Variants in PCDHGB3 observed in about 807,000 individuals in gnomAD.
The protein encoded by PCDHGB3 is protocadherin gamma-B3.
Under a neutral mutation model 59.2 loss-of-function variants are expected in PCDHGB3, and 40 were observed. The ratio of observed to expected loss-of-function variants is 0.68; its 90% CI spans 0.52 to 0.88. PCDHGB3 has a LOEUF of 0.88. Among genes scored for constraint, PCDHGB3 ranks in the 40% least tolerant of loss-of-function variants. The probability of loss-of-function intolerance (pLI) is 0.00; values close to 1 mark genes in which losing one functional copy is unlikely to be tolerated. For synonymous variants in PCDHGB3, 581 were observed against 503.6 expected, an observed-to-expected ratio of 1.15 and a Z score of -2.06; for missense variants, 1,309 against 1,187.9, an observed-to-expected ratio of 1.10 and a Z score of -1.50.
chr5:141,487,812 T>A lies in PCDHGB3; in HGVS notation c.2416-6995T>A. ...TAACCAGAGTTGTCACAGTTTAGCA[T>A]TGGGGGCGGGTCATGCCTATATCTG... On this transcript the variant is annotated intron_variant, in intron 1 of 3. Coordinates refer to ENST00000576222, the MANE Select transcript of PCDHGB3 (RefSeq NM_018924.5). The surrounding 1 kb of genome is among the most constrained non-coding windows in gnomAD (Gnocchi z 5.0). 1 of 1,408,206 alleles carries A rather than the reference T, an allele frequency of 7.1e-7. No individual in the cohort carries two copies. The highest frequency in any genetic ancestry group is 9.7e-7 in the Non-Finnish European group (1 of 1,036,248). 87.2% of individuals were successfully genotyped at this position (1,408,206 alleles called of 1,614,324 possible). A position where few individuals can be genotyped will look rare whatever the true frequency, so the allele number is the denominator to read the frequency against.
At chr5:141,510,404 G>T (rs1596286932) in intron 3 of PCDHGB3, among the ~76,000 whole-genome samples, 2 of 152,252 alleles carry the variant, frequency 1.3e-5, no homozygotes, top group East Asian at 3.9e-4. Context: ...AAAGGCTAGG[G>T]GCATGTAAAG....
intron 1 of PCDHGB3, among the ~76,000 whole-genome samples, chr5:141,373,410 C>A (rs1317795683): frequency 6.6e-6 from 1 of 152,216 alleles, no homozygotes; most frequent in Non-Finnish European, 1.5e-5. Flanking sequence ...GTAGTCCCAG[C>A]TACTCGGGAG....
intron 1 of PCDHGB3, chr5:141,375,586 G>A: frequency 6.2e-7 from 1 of 1,614,128 alleles, no homozygotes; most frequent in Non-Finnish European, 8.5e-7. Flanking sequence ...GGGCGCCCCT[G>A]TCCTCCTACG....
chr5:141,510,910 A>C (rs780792326), intron 3 of PCDHGB3, 37 bp from the exon 4 acceptor site: 4 of 1,613,740 alleles, frequency 2.5e-6, no homozygotes, highest in Admixed American at 3.3e-5. Flanking sequence ...GAGGACCCTA[A>C]GTTTAGCTCC....
intron 2 of PCDHGB3, among the ~76,000 whole-genome samples, chr5:141,500,333 A>G (rs1237684682): frequency 6.6e-6 from 1 of 151,336 alleles, no homozygotes; most frequent in Non-Finnish European, 1.5e-5. Context: ...CTCAGCCTCC[A>G]GAATAGCTGG....
intron 1 of PCDHGB3, chr5:141,388,778 A>T (rs2091485337): frequency 1.9e-6 from 3 of 1,613,826 alleles, no homozygotes. Context: ...ACACCGGGGA[A>T]ATTACTGTTT....
At chr5:141,399,991 G>T (rs1226741326) in intron 1 of PCDHGB3, 3 of 1,612,304 alleles carry the variant, frequency 1.9e-6, no homozygotes, top group Admixed American at 3.3e-5. Context: ...CACAGGAGAG[G>T]TGCGCACAGC....
At chr5:141,418,912 ACT>A (rs1457793463) in intron 1 of PCDHGB3, 2 of 1,613,770 alleles carry the variant, frequency 1.2e-6, no homozygotes, top group Non-Finnish European at 1.7e-6. Flanking sequence ...TCATCACGTC[ACT>A]CTCTGATCAG....
rs1591273286 is a variant in PCDHGB3, at chr5:141,433,311, T to A, written c.2415+60502T>A. 11 of 870,402 alleles carry A rather than the reference T, an allele frequency of 1.3e-5. No individual in the cohort carries two copies. The East Asian group carries it at 2.9e-4, about 23-fold the overall frequency. 53.9% of individuals were successfully genotyped at this position (870,402 alleles called of 1,614,324 possible). A position where few individuals can be genotyped will look rare whatever the true frequency, so the allele number is the denominator to read the frequency against. On this transcript the variant is annotated intron_variant, in intron 1 of 3. Coordinates refer to ENST00000576222, the MANE Select transcript of PCDHGB3 (RefSeq NM_018924.5). Reference sequence around the variant, plus strand: ...TAGGCTCAAGCAATTATCCCACCTTTGCCTCCGGTGTAACAGGGACTACAG... The same window carrying A: ...TAGGCTCAAGCAATTATCCCACCTTAGCCTCCGGTGTAACAGGGACTACAG...
intron 1 of PCDHGB3, chr5:141,418,768 T>C (rs1216316680): frequency 6.2e-7 from 1 of 1,613,712 alleles, no homozygotes; most frequent in Non-Finnish European, 8.5e-7. Context: ...ACATTCTAAC[T>C]CAGCAGCCTT....
At position 141,490,370 on chromosome 5, in the gene PCDHGB3, G is replaced by A. The variant is rs768474199; in HGVS notation, c.2416-4437G>A. Reference sequence around the variant, plus strand: ...GTGGGGTTGTTTAATGTGCGAGACCGGGACTCAGGTAGAAATGGTGAAGTG... The same window carrying A: ...GTGGGGTTGTTTAATGTGCGAGACCAGGACTCAGGTAGAAATGGTGAAGTG... On this transcript the variant is annotated intron_variant, in intron 1 of 3. Coordinates refer to ENST00000576222, the MANE Select transcript of PCDHGB3 (RefSeq NM_018924.5). The surrounding 1 kb of genome is among the most constrained non-coding windows in gnomAD (Gnocchi z 5.4). 32 of 1,614,054 alleles carry A rather than the reference G, an allele frequency of 2.0e-5. No homozygotes were observed. The highest frequency in any genetic ancestry group is 1.0e-4 in the Admixed American group (6 of 60,006).
intron 1 of PCDHGB3, among the ~76,000 whole-genome samples, chr5:141,430,040 T>C (rs1449876504): frequency 1.3e-5 from 2 of 152,232 alleles, no homozygotes; most frequent in African/African-American, 2.4e-5. Flanking sequence ...ATTCTGATAA[T>C]GTATACAATC....
chr5:141,406,555 A>G (rs2094824314), intron 1 of PCDHGB3, among the ~76,000 whole-genome samples: 1 of 152,224 alleles, frequency 6.6e-6, no homozygotes. Context: ...TCAGTTATCC[A>G]CTTCCAAACC....
rs531285035 is a variant in PCDHGB3, at chr5:141,493,409, C to T, written c.2416-1398C>T. Among the ~76,000 whole-genome samples, 4 of 152,286 alleles carry T rather than the reference C, an allele frequency of 2.6e-5. No homozygotes were observed. The East Asian group carries it at 7.7e-4, about 29-fold the overall frequency. On this transcript the variant is annotated intron_variant, in intron 1 of 3. Coordinates refer to ENST00000576222, the MANE Select transcript of PCDHGB3 (RefSeq NM_018924.5). The surrounding 1 kb of genome is among the most constrained non-coding windows in gnomAD (Gnocchi z 4.3). Reference sequence around the variant, plus strand: ...GGACAGGAGAGGGGAGTTGCCTCTGCTGGGATTTTGCTTCTGCTGGGATGG... The same window carrying T: ...GGACAGGAGAGGGGAGTTGCCTCTGTTGGGATTTTGCTTCTGCTGGGATGG...
intron 1 of PCDHGB3, chr5:141,478,866 C>G: frequency 7.7e-7 from 1 of 1,304,352 alleles, no homozygotes; most frequent in East Asian, 2.5e-5. Context: ...TCTCAGCGAT[C>G]AGAGTTTAGC....
At chr5:141,466,450 G>T (rs139024933) in intron 1 of PCDHGB3, among the ~76,000 whole-genome samples, 1 of 152,172 alleles carries the variant, frequency 6.6e-6, no homozygotes, top group Non-Finnish European at 1.5e-5. Context: ...TGTCTATGGT[G>T]TTGGCTATTG....
At chr5:141,404,791 G>A (rs747844350) in intron 1 of PCDHGB3, 2 of 1,613,932 alleles carry the variant, frequency 1.2e-6, no homozygotes, top group Non-Finnish European at 8.5e-7. Flanking sequence ...AGGCCAGTGA[G>A]CCAGGGCTCT....
chr5:141,478,783 T>G (rs1435790850), intron 1 of PCDHGB3: 2 of 1,483,968 alleles, frequency 1.3e-6, no homozygotes, highest in Admixed American at 4.6e-5. Flanking sequence ...TGGACCTAAT[T>G]CACATCCTCA....
intron 1 of PCDHGB3, among the ~76,000 whole-genome samples, chr5:141,397,265 A>G (rs2093498946): frequency 6.6e-6 from 1 of 152,210 alleles, no homozygotes; most frequent in Non-Finnish European, 1.5e-5. Context: ...TTTCTTAGCT[A>G]CATCATATGG....
Sources: gnomAD v4.1 joint callset for allele counts (sites outside exome capture counted in the v4.1 genomes callset) on GRCh38, gnomAD v4.1.1 for gene constraint, Gnocchi (gnomAD v3.1) non-coding constraint, MANE v1.5 for transcripts, NCBI Gene and HGNC (gene_info 2026-07-23, HGNC 2026-07-21) for gene names.